The following WSCD1 variants were observed in gnomAD, a reference collection of about 807,000 sequenced individuals.
WSCD1 encodes the protein sialate:O-sulfotransferase 1.
WSCD1 carries 41 observed loss-of-function variants against 60.4 expected under a neutral mutation model. The observed-to-expected ratio is 0.68, with a 90% CI of 0.53 to 0.88. The LOEUF is 0.88. Among genes scored for constraint, WSCD1 ranks in the 40% least tolerant of loss-of-function variants. WSCD1 has a pLI of 0.00. For missense variants in WSCD1, 784 were observed against 796.2 expected (o/e 0.98, Z 0.18); for synonymous variants, 361 against 332.5 (o/e 1.09, Z -0.93).
chr17:6,079,263 C>CA lies in WSCD1; in HGVS notation c.-288-1108_-288-1107insA, dbSNP rs140703769. Among the ~76,000 whole-genome samples, 5 of 152,154 alleles carry CA rather than the reference C, an allele frequency of 3.3e-5. No homozygotes were observed. In the South Asian group the frequency reaches 8.3e-4, roughly 25 times the overall value. On this transcript the variant is annotated intron_variant, in intron 1 of 8. Transcript: ENST00000317744. ...CCATTGAGTGGCTGCACAGGCCTGG[C>CA]GGGGGGCCCGGACCAAGTTAGTTAC...
At chr17:6,084,658 T>C (rs1207917912) in intron 2 of WSCD1, 1 of 152,244 alleles carries the variant, frequency 6.6e-6, no homozygotes, top group Admixed American at 6.5e-5. Context: ...TTTTTATTGA[T>C]AGTAATTTCC....
In WSCD1 at chr17:6,081,036, A is replaced by ACCGC; in HGVS notation, c.385_388dup (p.Leu130ArgfsTer23). 6.5e-7 allele frequency: 1 copy of ACCGC among 1,542,396 alleles called. No homozygotes were observed. Among genetic ancestry groups the ACCGC allele is most frequent in the Non-Finnish European group, 8.7e-7 (1 of 1,145,672 alleles). On this transcript the variant is annotated frameshift_variant, in exon 2 of 9. Coordinates refer to ENST00000317744, the MANE Select transcript of WSCD1 (RefSeq NM_015253.2). LOFTEE classifies it high-confidence loss of function. ...ACCACTTCATGAGTGACTCCCAGGG[A>ACCGC]CCGCCCGCCCTGGGCCCCGAGGCTG...
Position 6,110,422 on chromosome 17 carries a change from TC to T in WSCD1, c.1010-345del, listed in dbSNP as rs760015460. ...GTTACTTTGCTCAGCCTAGCCTCAATCCCCACCCACTTCCCCTATTAGAATC... is the reference window on the plus strand; with the variant it reads ...GTTACTTTGCTCAGCCTAGCCTCAATCCCACCCACTTCCCCTATTAGAATC... On this transcript the variant is annotated intron_variant, in intron 6 of 8. Transcript: ENST00000317744. This position sits in a 1 kb window ranked among gnomAD's most constrained non-coding sequence, Gnocchi z 4.8. Among the ~76,000 whole-genome samples the T allele has an allele frequency of 1.1e-4, 16 of 152,256 alleles. No homozygotes were observed. The highest frequency in any genetic ancestry group is 3.4e-3 in the Middle Eastern group (1 of 294).
chr17:6,093,207 C>T (rs1846611293), intron 4 of WSCD1, among the ~76,000 whole-genome samples: 1 of 152,256 alleles, frequency 6.6e-6, no homozygotes, highest in African/African-American at 2.4e-5. Context: ...AGAGTCGCAT[C>T]AGTGAAGTGC....
chr17:6,090,960 G>A (rs1022217124), intron 4 of WSCD1, among the ~76,000 whole-genome samples: 3 of 151,824 alleles, frequency 2.0e-5, no homozygotes, highest in African/African-American at 7.3e-5. Flanking sequence ...GCCCAATCTC[G>A]GCTCACTGCA....
chr17:6,090,590 T>G, intron 4 of WSCD1, 85 bp downstream of exon 4: 1 of 1,522,564 alleles, frequency 6.6e-7, no homozygotes, highest in Non-Finnish European at 8.8e-7. Context: ...TCAATGAAAC[T>G]ACCTGGGGCA....
At chr17:6,120,198 A>T (rs1904573454) in intron 8 of WSCD1, 111 bp from the exon 9 acceptor site, 1 of 1,153,128 alleles carries the variant, frequency 8.7e-7, no homozygotes, top group East Asian at 2.4e-5. Flanking sequence ...GACTCTAGGC[A>T]GTGGACAGTG....
chr17:6,120,652 G>T lies in WSCD1; in HGVS notation c.1719G>T (p.Val573=), dbSNP rs768002991. 8.1e-6 allele frequency: 13 copies of T among 1,609,658 alleles called. No homozygotes were observed. The highest frequency in any genetic ancestry group is 1.1e-5 in the Non-Finnish European group (13 of 1,177,454). The change falls in exon 9 of 9, where the codon GTG becomes GTT. Residue 573 remains valine, a synonymous_variant. Coordinates refer to ENST00000317744, the MANE Select transcript of WSCD1 (RefSeq NM_015253.2). ...HNWTGLPREY[V]PR is the part of the protein sequence containing the mutation. ...GGACGGGGCTGCCCAGGGAGTATGT[G>T]CCCAGATGATAGGCCTGGCCCACGC...
chr17:6,112,840 G>C (rs1264003146), intron 7 of WSCD1, among the ~76,000 whole-genome samples: 2 of 152,108 alleles, frequency 1.3e-5, no homozygotes, highest in Admixed American at 1.3e-4. Flanking sequence ...TGGATTGGAA[G>C]AATTAATATT....
At position 6,122,471 on chromosome 17, in the gene WSCD1, A is replaced by C. The variant is rs1307868065; in HGVS notation, c.*1810A>C. 6.6e-6 allele frequency: 1 copy of C among 152,310 alleles called. No homozygotes were observed. Among genetic ancestry groups the C allele is most frequent in the African/African-American group, 2.4e-5 (1 of 41,468 alleles). The allele number at this position is 152,310 out of a possible 1,614,324, so 9.4% of individuals were successfully genotyped here. A position where few individuals can be genotyped will look rare whatever the true frequency, so the allele number is the denominator to read the frequency against. ...TTTATTGGCTCAGGATAGCTTCGGCATCCAATCTGCGAAGGCCCCTGATGG... is the reference window on the plus strand; with the variant it reads ...TTTATTGGCTCAGGATAGCTTCGGCCTCCAATCTGCGAAGGCCCCTGATGG... On this transcript the variant is annotated 3_prime_UTR_variant, in exon 9 of 9. Transcript: ENST00000317744.
rs560140383 is a variant in WSCD1, at chr17:6,106,563, C to A, written c.850-3044C>A. Among the ~76,000 whole-genome samples the A allele has an allele frequency of 1.1e-4, 17 of 152,260 alleles. 1 individual carries two copies. Among genetic ancestry groups the A allele is most frequent in the Admixed American group, 9.2e-4 (14 of 15,298 alleles). On this transcript the variant is annotated intron_variant, in intron 5 of 8. Coordinates refer to ENST00000317744, the MANE Select transcript of WSCD1 (RefSeq NM_015253.2). ...ACATTCCAGTATAGATAAAACGAAT[C>A]CATGGTGATAGAAATCTGAAAGGTG...
intron 8 of WSCD1, 45 bp from the exon 9 acceptor site, chr17:6,120,264 G>C: frequency 6.3e-7 from 1 of 1,579,930 alleles, no homozygotes. Flanking sequence ...GGCAGCCCTG[G>C]CAGGGCCAGC....
intron 7 of WSCD1, among the ~76,000 whole-genome samples, chr17:6,113,374 C>T (rs1911513642): frequency 6.6e-6 from 1 of 152,092 alleles, no homozygotes; most frequent in Non-Finnish European, 1.5e-5. Flanking sequence ...ATGTAAGACC[C>T]AAATCTATTA....
intron 5 of WSCD1, among the ~76,000 whole-genome samples, chr17:6,107,204 G>T (rs1366293608): frequency 6.6e-6 from 1 of 152,052 alleles, no homozygotes; most frequent in Non-Finnish European, 1.5e-5. Context: ...ATTAGATTAG[G>T]GCCTACCCTG....
chr17:6,119,496 A>C (rs1904508936), intron 8 of WSCD1, among the ~76,000 whole-genome samples: 1 of 152,230 alleles, frequency 6.6e-6, no homozygotes, highest in African/African-American at 2.4e-5. Flanking sequence ...GAGAAGTCAC[A>C]GGACCCATGG....
intron 7 of WSCD1, among the ~76,000 whole-genome samples, chr17:6,112,643 A>G (rs1295133902): frequency 6.6e-6 from 1 of 152,230 alleles, no homozygotes; most frequent in East Asian, 1.9e-4. Flanking sequence ...AATCAGTAGC[A>G]TTTCCATATA....
chr17:6,099,090 G>A (rs965542315), intron 5 of WSCD1, among the ~76,000 whole-genome samples: 1 of 152,106 alleles, frequency 6.6e-6, no homozygotes, highest in Non-Finnish European at 1.5e-5. Flanking sequence ...GAAAGGTCAG[G>A]GGGTACAAAT....
intron 4 of WSCD1, among the ~76,000 whole-genome samples, chr17:6,093,318 G>A (rs1052841733): frequency 5.3e-5 from 8 of 152,208 alleles, no homozygotes; most frequent in African/African-American, 1.4e-4. Flanking sequence ...TCATTCGTTC[G>A]CTCACCACGT....
chr17:6,086,811 G>C (rs1253312090), intron 2 of WSCD1, among the ~76,000 whole-genome samples: 5 of 152,190 alleles, frequency 3.3e-5, no homozygotes, highest in Non-Finnish European at 7.3e-5. Context: ...GGCAGGAACA[G>C]AGACAGTCTC....
Sources: gnomAD v4.1 joint callset for allele counts (sites outside exome capture counted in the v4.1 genomes callset) on GRCh38, gnomAD v4.1.1 for gene constraint, Gnocchi (gnomAD v3.1) non-coding constraint, MANE v1.5 for transcripts, NCBI Gene and HGNC (gene_info 2026-07-23, HGNC 2026-07-21) for gene names.